Variants in SCAND3 observed in about 807,000 individuals in gnomAD.
The protein encoded by SCAND3 is SCAN domain-containing protein 3.
chr6:28,607,187 T>G, the SCAND3 span, among the ~76,000 whole-genome samples: 3 of 152,158 alleles, frequency 2.0e-5, no homozygotes, highest in Non-Finnish European at 4.4e-5. Context: ...AGCGCGTGCT[T>G]AGCATGTACG....
At chr6:28,579,450 A>C in the SCAND3 span, 1 of 1,585,814 alleles carries the variant, frequency 6.3e-7, no homozygotes, top group South Asian at 1.2e-5. This position sits in a 1 kb window ranked among gnomAD's most constrained non-coding sequence, Gnocchi z 4.5. Flanking sequence ...TTGGTAAACA[A>C]TACAAATAAT....
chr6:28,608,718 G>A, the SCAND3 span, among the ~76,000 whole-genome samples: 1 of 152,148 alleles, frequency 6.6e-6, no homozygotes, highest in Non-Finnish European at 1.5e-5. Flanking sequence ...TGTTTATGAG[G>A]CTGGGCATGG....
At chr6:28,571,884 T>A in the SCAND3 span, 3 of 1,603,222 alleles carry the variant, frequency 1.9e-6, no homozygotes, top group East Asian at 6.7e-5. Flanking sequence ...TTTGAACCAA[T>A]ACCTTACATA....
chr6:28,573,299 C>T, the SCAND3 span: 1 of 1,614,074 alleles, frequency 6.2e-7, no homozygotes, highest in Non-Finnish European at 8.5e-7. Flanking sequence ...ACCTGAGCTA[C>T]CTTCTTTGCT....
the SCAND3 span, among the ~76,000 whole-genome samples, chr6:28,601,492 C>T: frequency 6.6e-6 from 1 of 152,058 alleles, no homozygotes; most frequent in Non-Finnish European, 1.5e-5. Flanking sequence ...CTGTTTTTGT[C>T]AATGATATTC....
At chr6:28,614,444 A>G in the SCAND3 span, among the ~76,000 whole-genome samples, 5 of 151,988 alleles carry the variant, frequency 3.3e-5, no homozygotes, top group Non-Finnish European at 5.9e-5. Context: ...GTTGTCCACT[A>G]TATACAGAGC....
At chr6:28,586,994 G>C in the SCAND3 span, 1 of 428,386 alleles carries the variant, frequency 2.3e-6, no homozygotes. This position sits in a 1 kb window ranked among gnomAD's most constrained non-coding sequence, Gnocchi z 4.4. Context: ...GTCACAAATT[G>C]AGCGGCAAGA....
the SCAND3 span, among the ~76,000 whole-genome samples, chr6:28,597,433 G>A: frequency 7.9e-5 from 12 of 151,990 alleles, no homozygotes; most frequent in East Asian, 1.4e-3. Flanking sequence ...CATGCTAAGC[G>A]TGGCAAAGTC....
At chr6:28,605,800 C>G in the SCAND3 span, among the ~76,000 whole-genome samples, 2 of 151,960 alleles carry the variant, frequency 1.3e-5, no homozygotes, top group African/African-American at 4.8e-5. Flanking sequence ...GAGCCGAGAT[C>G]GCGCCATTGC....
the SCAND3 span, among the ~76,000 whole-genome samples, chr6:28,580,808 C>G: frequency 2.3e-4 from 30 of 132,884 alleles, no homozygotes; most frequent in East Asian, 3.5e-3. Flanking sequence ...CCCCACCCCC[C>G]CAAGCACAAA....
chr6:28,576,003 C>T, the SCAND3 span: 8 of 1,613,718 alleles, frequency 5.0e-6, no homozygotes, highest in Non-Finnish European at 6.8e-6. Context: ...TTTTGTTTTC[C>T]AGTAACCTTG....
the SCAND3 span, chr6:28,572,917 G>A: frequency 1.7e-5 from 28 of 1,613,688 alleles, no homozygotes; most frequent in African/African-American, 1.5e-4. This position sits in a 1 kb window ranked among gnomAD's most constrained non-coding sequence, Gnocchi z 4.1. Context: ...ACATTCTGGC[G>A]CAAGTTCCTT....
the SCAND3 span, among the ~76,000 whole-genome samples, chr6:28,600,127 A>G: frequency 1.3e-5 from 2 of 152,122 alleles, no homozygotes; most frequent in African/African-American, 2.4e-5. Context: ...GGAAAAAAAA[A>G]TAAGTTGGAT....
the SCAND3 span, chr6:28,591,543 T>G: frequency 6.6e-6 from 1 of 152,200 alleles, no homozygotes; most frequent in Non-Finnish European, 1.5e-5. Flanking sequence ...CAGTAAGAAT[T>G]CCTCACCTCA....
At chr6:28,575,898 G>A in the SCAND3 span, 1 of 1,613,944 alleles carries the variant, frequency 6.2e-7, no homozygotes, top group Non-Finnish European at 8.5e-7. This position sits in a 1 kb window ranked among gnomAD's most constrained non-coding sequence, Gnocchi z 4.2. Context: ...AGCGACGGTA[G>A]TCAACTGATT....
At chr6:28,597,370 C>T in the SCAND3 span, among the ~76,000 whole-genome samples, 1 of 152,220 alleles carries the variant, frequency 6.6e-6, no homozygotes, top group African/African-American at 2.4e-5. Flanking sequence ...CCCACGCGTG[C>T]AGAGCACAAT....
the SCAND3 span, chr6:28,572,321 CA>C: frequency 6.3e-7 from 1 of 1,598,942 alleles, no homozygotes; most frequent in Non-Finnish European, 8.5e-7. This position sits in a 1 kb window ranked among gnomAD's most constrained non-coding sequence, Gnocchi z 4.1. Flanking sequence ...AAATAAAATT[CA>C]AAACATTCTA....
the SCAND3 span, chr6:28,586,410 A>G: frequency 6.2e-7 from 1 of 1,614,132 alleles, no homozygotes; most frequent in Non-Finnish European, 8.5e-7. This position sits in a 1 kb window ranked among gnomAD's most constrained non-coding sequence, Gnocchi z 4.4. Context: ...CTCAGGCAGG[A>G]TGGTCAGGAA....
chr6:28,603,725 T>A, the SCAND3 span, among the ~76,000 whole-genome samples: 4 of 152,298 alleles, frequency 2.6e-5, no homozygotes, highest in East Asian at 3.8e-4. Context: ...TATTATTTTT[T>A]AAATCAGTAT....
Sources: allele counts gnomAD v4.1 joint callset (sites outside exome capture counted in the v4.1 genomes callset), GRCh38; gene constraint gnomAD v4.1.1; non-coding constraint Gnocchi (gnomAD v3.1); transcripts MANE v1.5; gene names NCBI Gene and HGNC (gene_info 2026-07-23, HGNC 2026-07-21).